NRXN3: variants seen among roughly 807,000 people sequenced by gnomAD.
The protein encoded by NRXN3 is neurexin III.
NRXN3 carries 32 observed loss-of-function variants against 137.6 expected under a neutral mutation model. That is an observed-to-expected ratio of 0.23 (90% CI 0.18 to 0.31). The LOEUF (loss-of-function observed/expected upper bound fraction) is 0.31. Among genes scored for constraint, NRXN3 ranks in the 10% least tolerant of loss-of-function variants. NRXN3 has a pLI of 1.00. For synonymous variants in NRXN3, 798 were observed against 784.5 expected (o/e 1.02, Z -0.29); for missense variants, 1,574 against 2,062.5 (o/e 0.76, Z 4.59).
intron 7 of NRXN3, among the ~76,000 whole-genome samples, chr14:78,713,843 C>A (rs2098420041): frequency 6.6e-6 from 1 of 152,142 alleles, no homozygotes; most frequent in Non-Finnish European, 1.5e-5. Flanking sequence ...GAGGTAATGT[C>A]CCCATAATTC....
intron 8 of NRXN3, among the ~76,000 whole-genome samples, chr14:78,775,736 T>C (rs1405508753): frequency 6.6e-6 from 1 of 152,218 alleles, no homozygotes; most frequent in African/African-American, 2.4e-5. Flanking sequence ...CTTTAGGTAT[T>C]TCTCAATTTG....
chr14:78,925,023 C>A (rs1175768490), intron 10 of NRXN3, among the ~76,000 whole-genome samples: 1 of 152,144 alleles, frequency 6.6e-6, no homozygotes, highest in Admixed American at 6.6e-5. Flanking sequence ...ATAGCAATGG[C>A]AAACAAGAAG....
chr14:78,906,619 T>C (rs1033037450), intron 10 of NRXN3, among the ~76,000 whole-genome samples: 1 of 152,064 alleles, frequency 6.6e-6, no homozygotes, highest in African/African-American at 2.4e-5. Flanking sequence ...AAGAATTGTC[T>C]CCAGTTATCT....
At chr14:78,675,338 G>T (rs1298434315) in intron 6 of NRXN3, among the ~76,000 whole-genome samples, 1 of 152,164 alleles carries the variant, frequency 6.6e-6, no homozygotes, top group Non-Finnish European at 1.5e-5. Context: ...GAATCTAAAA[G>T]TCTCTAAACA....
At chr14:79,618,221 C>G (rs221507) in intron 16 of NRXN3, among the ~76,000 whole-genome samples, 59,306 of 151,754 alleles carry the variant, frequency 0.39, 16,082 homozygotes, top group African/African-American at 0.77. Flanking sequence ...TTTAAGACTC[C>G]GGAGTACATG....
chr14:79,372,891 A>G (rs1010019222), intron 15 of NRXN3, among the ~76,000 whole-genome samples: 7 of 152,094 alleles, frequency 4.6e-5, no homozygotes, highest in Admixed American at 3.9e-4. Context: ...ATTAGTAGAC[A>G]TCATTGAGCA....
rs551491974 is a variant in NRXN3, at chr14:79,206,875, C to T, written c.3262+218734C>T. ...ACAATGCACATAACCAGGAAACTAA[C>T]GTACAAGTCTTAGTGTTCATTACTG... On this transcript the variant is annotated intron_variant, in intron 15 of 20. Transcript: ENST00000335750. Among the ~76,000 whole-genome samples the T allele has an allele frequency of 3.9e-4, 59 of 152,182 alleles. 1 individual carries two copies. In the South Asian group the frequency reaches 0.011, roughly 29 times the overall value.
intron 15 of NRXN3, among the ~76,000 whole-genome samples, chr14:79,146,367 C>T (rs901672392): frequency 1.3e-5 from 2 of 152,098 alleles, no homozygotes; most frequent in Admixed American, 1.3e-4. Context: ...ATCCTCTGGA[C>T]TTGAGTGTAT....
At chr14:79,811,604 T>A (rs1236923299) in intron 20 of NRXN3, among the ~76,000 whole-genome samples, 2 of 136,486 alleles carry the variant, frequency 1.5e-5, no homozygotes, top group Non-Finnish European at 3.1e-5. Flanking sequence ...TTTTTTGAGA[T>A]GGAGTGTCAC....
chr14:79,615,062 C>A (rs1043177375), intron 16 of NRXN3, among the ~76,000 whole-genome samples: 2 of 152,108 alleles, frequency 1.3e-5, no homozygotes, highest in African/African-American at 4.8e-5. Context: ...ATTGCAGTGA[C>A]AACGGATCTC....
At chr14:78,739,697 C>A (rs2098556361) in intron 8 of NRXN3, among the ~76,000 whole-genome samples, 1 of 152,056 alleles carries the variant, frequency 6.6e-6, no homozygotes, top group African/African-American at 2.4e-5. Context: ...CTCTCGAACC[C>A]CTGACCTCAG....
chr14:79,336,230 T>A (rs2092249111), intron 15 of NRXN3, among the ~76,000 whole-genome samples: 2 of 151,852 alleles, frequency 1.3e-5, no homozygotes, highest in South Asian at 4.2e-4. Context: ...TCCAATTATT[T>A]CCCCCCATTC....
At chr14:78,398,807 C>T (rs116526094) in intron 4 of NRXN3, among the ~76,000 whole-genome samples, 3,961 of 152,224 alleles carry the variant, frequency 0.026, 153 homozygotes, top group African/African-American at 0.084. Context: ...TCTCAATTGA[C>T]ACCATGGAGG....
At chr14:79,817,338 C>A (rs1227423208) in intron 20 of NRXN3, among the ~76,000 whole-genome samples, 6 of 152,170 alleles carry the variant, frequency 3.9e-5, no homozygotes, top group African/African-American at 1.4e-4. Context: ...CAGGTATGAG[C>A]CACCGTTCCG....
At chr14:78,918,306 A>AAAAGAGAGAGAG (rs1555576169) in intron 10 of NRXN3, among the ~76,000 whole-genome samples, 1 of 138,766 alleles carries the variant, frequency 7.2e-6, no homozygotes, top group Admixed American at 7.0e-5. Context: ...AAAAAAAAAA[A>AAAAGAGAGAGAG]AGAGAGAGAG....
intron 15 of NRXN3, among the ~76,000 whole-genome samples, chr14:79,039,724 T>A (rs2152525803): frequency 6.6e-6 from 1 of 152,162 alleles, no homozygotes; most frequent in East Asian, 1.9e-4. Context: ...TCTTGCTCTG[T>A]TGCCCAGGCT....
intron 15 of NRXN3, among the ~76,000 whole-genome samples, chr14:79,000,970 G>C (rs925696510): frequency 1.3e-5 from 2 of 152,064 alleles, no homozygotes; most frequent in African/African-American, 4.8e-5. Flanking sequence ...ATTATATAAA[G>C]TTTAATGAAC....
At chr14:79,508,390 A>ACTTTTTTTTTTTTTTTTTTTTTTTTTTTT (rs2096898176) in intron 16 of NRXN3, among the ~76,000 whole-genome samples, 1 of 48,240 alleles carries the variant, frequency 2.1e-5, no homozygotes, top group Non-Finnish European at 4.0e-5. Flanking sequence ...ACAATAACTG[A>ACTTTTTTTTTTTTTTTTTTTTTTTTTTTT]TTTTTTTTTT....
chr14:79,558,483 C>T (rs1481625525), intron 16 of NRXN3, among the ~76,000 whole-genome samples: 2 of 151,806 alleles, frequency 1.3e-5, no homozygotes, highest in Non-Finnish European at 2.9e-5. Flanking sequence ...CTGTATATCT[C>T]TTTCAGAGCT....
Sources: gnomAD v4.1 joint callset for allele counts (sites outside exome capture counted in the v4.1 genomes callset) on GRCh38, gnomAD v4.1.1 for gene constraint, MANE v1.5 for transcripts, NCBI Gene and HGNC (gene_info 2026-07-23, HGNC 2026-07-21) for gene names.